Variants in HERC1 observed in about 807,000 individuals in gnomAD.
HERC1 encodes probable E3 ubiquitin-protein ligase HERC1.
Under a neutral mutation model 554.3 loss-of-function variants are expected in HERC1, and 160 were observed. That is an observed-to-expected ratio of 0.29 (90% CI 0.25 to 0.33). The LOEUF is 0.33. Ranked by LOEUF, HERC1 falls within the 10% of genes least tolerant of loss-of-function variation. The pLI, the probability that HERC1 is intolerant of heterozygous loss-of-function variation, is 1.00. For missense variants in HERC1, 4,919 were observed against 5,918.5 expected (o/e 0.83, Z 5.54); for synonymous variants, 2,175 against 2,131.7 (o/e 1.02, Z -0.56).
intron 25 of HERC1, among the ~76,000 whole-genome samples, chr15:63,704,776 T>A (rs1170537927): frequency 6.9e-6 from 1 of 145,344 alleles, no homozygotes; most frequent in South Asian, 2.2e-4. Context: ...TCTCGCTCTG[T>A]CGCCCAGGCT....
chr15:63,786,990 T>A (rs987347033), intron 1 of HERC1, among the ~76,000 whole-genome samples: 1 of 149,996 alleles, frequency 6.7e-6, no homozygotes, highest in African/African-American at 2.5e-5. Flanking sequence ...AATGGCATGG[T>A]CTCACCATGC....
intron 32 of HERC1, among the ~76,000 whole-genome samples, 185 bp downstream of exon 32, chr15:63,690,356 C>T (rs1567017517): frequency 6.6e-6 from 1 of 151,920 alleles, no homozygotes; most frequent in African/African-American, 2.4e-5. Flanking sequence ...CTTCTCACAC[C>T]CCATAACTTA....
At position 63,667,418 on chromosome 15, in the gene HERC1, A is replaced by T. The variant is rs79375822; in HGVS notation, c.8207-946T>A. Reference sequence around the variant, plus strand: ...TGAAATAAACACGGAAGATGAGATTAAAAAAAAACAAATCAAATGTCTACT... The same window carrying T: ...TGAAATAAACACGGAAGATGAGATTTAAAAAAAACAAATCAAATGTCTACT... On this transcript the variant is annotated intron_variant, in intron 40 of 77. Coordinates refer to ENST00000443617, the MANE Select transcript of HERC1 (RefSeq NM_003922.4). Among the ~76,000 whole-genome samples, 1,112 of 151,322 alleles carry T rather than the reference A, an allele frequency of 7.3e-3. 15 individuals are homozygous for T. The highest frequency in any genetic ancestry group is 0.026 in the African/African-American group (1,068 of 41,166).
At chr15:63,809,590 T>C (rs1227556648) in intron 1 of HERC1, among the ~76,000 whole-genome samples, 1 of 152,062 alleles carries the variant, frequency 6.6e-6, no homozygotes, top group Non-Finnish European at 1.5e-5. Context: ...ACTGCAAAAG[T>C]TGAGTTGAGA....
At position 63,749,890 on chromosome 15, in the gene HERC1, T is replaced by C. The variant is rs2075177907; in HGVS notation, c.1903-99A>G. The C allele has an allele frequency of 7.1e-6, 7 of 980,936 alleles. No homozygotes were observed. In the Admixed American group the frequency reaches 1.0e-4, roughly 15 times the overall value. 60.8% of individuals were successfully genotyped at this position (980,936 alleles called of 1,614,324 possible). A position where few individuals can be genotyped will look rare whatever the true frequency, so the allele number is the denominator to read the frequency against. On this transcript the variant is annotated intron_variant, in intron 8 of 77. Coordinates refer to ENST00000443617, the MANE Select transcript of HERC1 (RefSeq NM_003922.4). This position sits in a 1 kb window ranked among gnomAD's most constrained non-coding sequence, Gnocchi z 4.1. ...TCTATGAAACTAAAGTGTGGTTTGA[T>C]AGTAAATAACTTTCTGATGTTAAAA...
chr15:63,626,056 G>A lies in HERC1; in HGVS notation c.13204C>T (p.Arg4402Trp), dbSNP rs777743186. The A allele has an allele frequency of 8.1e-6, 13 of 1,613,082 alleles. No individual in the cohort carries two copies. Among genetic ancestry groups the A allele is most frequent in the East Asian group, 2.2e-5 (1 of 44,866 alleles). ...VSIHTVRARL[R>W]LLYHFSDLMY... is the part of the protein sequence containing the mutation. ...AGGTCAGAGAAGTGGTAGAGCAGCC[G>A]GAGCCTGGCCCGCACCGTGTGAATG... is the stretch of plus-strand genomic sequence containing the variant. Residue 4402 changes from arginine to tryptophan, a missense_variant, in exon 71 of 78, where the codon CGG becomes TGG. By Grantham distance (101) the Arg-to-Trp change is moderately radical. Coordinates refer to ENST00000443617, the MANE Select transcript of HERC1 (RefSeq NM_003922.4).
At chr15:63,781,112 C>T (rs1341336660) in intron 1 of HERC1, among the ~76,000 whole-genome samples, 3 of 152,010 alleles carry the variant, frequency 2.0e-5, no homozygotes, top group Non-Finnish European at 4.4e-5. Flanking sequence ...TAATGATGAA[C>T]AGTATAATCA....
chr15:63,780,387 A>G (rs1193722577), intron 1 of HERC1: 2 of 152,330 alleles, frequency 1.3e-5, no homozygotes, highest in East Asian at 3.9e-4. Context: ...AGGCCATCTA[A>G]CAACAGGAAA....
intron 51 of HERC1, among the ~76,000 whole-genome samples, 178 bp from the exon 52 acceptor site, chr15:63,652,719 C>T (rs530035883): frequency 1.8e-4 from 27 of 152,358 alleles, no homozygotes; most frequent in African/African-American, 6.0e-4. Flanking sequence ...GTGGCTCAAT[C>T]TCAGCTCACT....
intron 76 of HERC1, among the ~76,000 whole-genome samples, chr15:63,614,926 T>G (rs565754902): frequency 6.6e-6 from 1 of 152,188 alleles, no homozygotes; most frequent in Admixed American, 6.5e-5. Flanking sequence ...ATGTGATATA[T>G]CTTGAGGAAC....
intron 2 of HERC1, among the ~76,000 whole-genome samples, chr15:63,768,746 A>C (rs1437770699): frequency 1.3e-5 from 2 of 152,184 alleles, no homozygotes. Flanking sequence ...CTTGGGTTTA[A>C]ATCTAGGCTC....
At chr15:63,787,584 T>C (rs919417927) in intron 1 of HERC1, among the ~76,000 whole-genome samples, 1 of 152,018 alleles carries the variant, frequency 6.6e-6, no homozygotes, top group Non-Finnish European at 1.5e-5. Flanking sequence ...GTTCGCTACA[T>C]CAAGAATGAC....
Position 63,826,809 on chromosome 15 carries a change from A to T in HERC1, c.-27+7018T>A, listed in dbSNP as rs1256819001. ...TAAAAAAAAAAAAAAAAAAAAAAAAAAAAAAATATATATATATATATATAT... is the reference window on the plus strand; with the variant it reads ...TAAAAAAAAAAAAAAAAAAAAAAAATAAAAAATATATATATATATATATAT... On this transcript the variant is annotated intron_variant, in intron 1 of 77. Coordinates refer to ENST00000443617, the MANE Select transcript of HERC1 (RefSeq NM_003922.4). Among the ~76,000 whole-genome samples, 20 of 69,274 alleles carry T rather than the reference A, an allele frequency of 2.9e-4. 1 individual carries two copies. The highest frequency in any genetic ancestry group is 7.9e-4 in the South Asian group (2 of 2,540). 45.4% of individuals were successfully genotyped at this position (69,274 alleles called of 152,430 possible).
At chr15:63,610,400 T>C (rs1227042879) in intron 77 of HERC1, among the ~76,000 whole-genome samples, 3 of 152,268 alleles carry the variant, frequency 2.0e-5, no homozygotes, top group East Asian at 3.9e-4. Context: ...CCGACCACGG[T>C]AGTCAGTTAC....
chr15:63,702,308 T>C lies in HERC1; in HGVS notation c.4637-3312A>G, dbSNP rs1157833760. 3.3e-5 allele frequency among the ~76,000 whole-genome samples: 5 copies of C among 152,120 alleles called. No homozygotes were observed. In the East Asian group the frequency reaches 7.7e-4, roughly 23 times the overall value. On this transcript the variant is annotated intron_variant, in intron 25 of 77. Transcript: ENST00000443617. Reference sequence around the variant, plus strand: ...TCTAATTTGAAATGCACAGACAAAATAGCATTTCACCCATACATGTTATAC... The same window carrying C: ...TCTAATTTGAAATGCACAGACAAAACAGCATTTCACCCATACATGTTATAC...
In HERC1 at chr15:63,718,944, A is replaced by G. The variant is rs1258916171; in HGVS notation, c.3743-47T>C. 7 of 1,308,028 alleles carry G rather than the reference A, an allele frequency of 5.4e-6. No individual in the cohort carries two copies. Among genetic ancestry groups the G allele is most frequent in the Admixed American group, 4.1e-5 (2 of 48,436 alleles). 81.0% of individuals were successfully genotyped at this position (1,308,028 alleles called of 1,614,324 possible). ...TGACATTTAAAAGGGCTCAGAAAAC[A>G]GTTCAGAGGTAATTTTTATAGCTTT... is the stretch of plus-strand genomic sequence containing the variant. On this transcript the variant is annotated intron_variant, in intron 19 of 77. Transcript: ENST00000443617. This position sits in a 1 kb window ranked among gnomAD's most constrained non-coding sequence, Gnocchi z 4.2.
chr15:63,790,526 C>T (rs934581146), intron 1 of HERC1, among the ~76,000 whole-genome samples: 20 of 151,760 alleles, frequency 1.3e-4, no homozygotes, highest in African/African-American at 4.8e-4. Flanking sequence ...TGCAGTGAGC[C>T]GAGATCGCAC....
At chr15:63,636,268 C>T in intron 64 of HERC1, 126 bp from the exon 65 acceptor site, 1 of 670,692 alleles carries the variant, frequency 1.5e-6, no homozygotes, top group Non-Finnish European at 2.3e-6. Flanking sequence ...AGAATAATTT[C>T]ATTAGTTTTT....
chr15:63,790,332 A>C (rs2076602530), intron 1 of HERC1, among the ~76,000 whole-genome samples: 1 of 152,178 alleles, frequency 6.6e-6, no homozygotes, highest in Non-Finnish European at 1.5e-5. Context: ...TAATCCCAGC[A>C]CTTTAGGAGG....
Sources: gnomAD v4.1 joint callset for allele counts (sites outside exome capture counted in the v4.1 genomes callset) on GRCh38, gnomAD v4.1.1 for gene constraint, Gnocchi (gnomAD v3.1) non-coding constraint, MANE v1.5 for transcripts, NCBI Gene and HGNC (gene_info 2026-07-23, HGNC 2026-07-21) for gene names.